Variants in TGFBR3 observed in about 807,000 individuals in gnomAD.
TGFBR3 encodes the protein transforming growth factor beta receptor 3, also known as transforming growth factor beta receptor type 3.
In TGFBR3, 46 loss-of-function variants were observed where a neutral mutation model predicts 87.9. The ratio of observed to expected loss-of-function variants is 0.52; its 90% confidence interval spans 0.41 to 0.67. The LOEUF is 0.67. Among genes scored for constraint, TGFBR3 ranks in the 30% least tolerant of loss-of-function variants. The pLI, the probability that TGFBR3 is intolerant of heterozygous loss-of-function variation, is 0.00. For missense variants in TGFBR3, 866 were observed against 1,041.9 expected (o/e 0.83, Z 2.32); for synonymous variants, 381 against 391.6 (o/e 0.97, Z 0.32).
intron 4 of TGFBR3, among the ~76,000 whole-genome samples, chr1:91,753,473 T>C (rs1673628947): frequency 6.6e-6 from 1 of 151,070 alleles, no homozygotes; most frequent in African/African-American, 2.4e-5. Flanking sequence ...TACCATAATA[T>C]TCAGCCTTTT....
chr1:91,733,102 G>A (rs760700194), intron 5 of TGFBR3, among the ~76,000 whole-genome samples: 65 of 152,166 alleles, frequency 4.3e-4, no homozygotes, highest in Admixed American at 1.4e-3. Flanking sequence ...TATCATGAGA[G>A]TACAGAAACA....
intron 2 of TGFBR3, among the ~76,000 whole-genome samples, chr1:91,894,000 T>G (rs1195735071): frequency 6.6e-6 from 1 of 151,214 alleles, no homozygotes; most frequent in African/African-American, 2.4e-5. Context: ...GAGGCCAAAG[T>G]GGGTGGATCA....
rs17885461 is a variant in TGFBR3, at chr1:91,708,533, G to C, written c.2287+130C>G. On this transcript the variant is annotated intron_variant, in intron 14 of 16. Coordinates refer to ENST00000212355, the MANE Select transcript of TGFBR3 (RefSeq NM_003243.5). ...AGAAAAGACTCTTCGGGCAAAAAATGGTCTTCTAAAGTAACTAACTGGCCC... is the reference window on the plus strand; with the variant it reads ...AGAAAAGACTCTTCGGGCAAAAAATCGTCTTCTAAAGTAACTAACTGGCCC... 2,998 of 1,420,818 alleles carry C rather than the reference G, an allele frequency of 2.1e-3. 50 individuals are homozygous for C. In the African/African-American group the frequency reaches 0.036, roughly 17 times the overall value. 88.0% of individuals were successfully genotyped at this position (1,420,818 alleles called of 1,614,324 possible).
At chr1:91,872,860 C>T (rs1678634286) in intron 1 of TGFBR3, among the ~76,000 whole-genome samples, 1 of 152,020 alleles carries the variant, frequency 6.6e-6, no homozygotes, top group Admixed American at 6.6e-5. Context: ...TGCTTTGAGT[C>T]AGACATGAAA....
intron 2 of TGFBR3, among the ~76,000 whole-genome samples, chr1:91,823,533 A>ACAG (rs1557729637): frequency 2.2e-4 from 34 of 152,252 alleles, no homozygotes; most frequent in Non-Finnish European, 4.3e-4. Flanking sequence ...AAAACATTCA[A>ACAG]CATCAAAAAG....
At chr1:91,815,325 A>AAACTAAACTAAACT (rs1676181757) in intron 2 of TGFBR3, among the ~76,000 whole-genome samples, 1 of 124,330 alleles carries the variant, frequency 8.0e-6, no homozygotes, top group East Asian at 4.5e-4. Context: ...ATAAAATAAA[A>AAACTAAACTAAACT]TAAAATAAAA....
intron 4 of TGFBR3, among the ~76,000 whole-genome samples, chr1:91,746,511 C>T (rs556048439): frequency 5.9e-5 from 9 of 151,796 alleles, no homozygotes; most frequent in South Asian, 4.2e-4. Context: ...ATGTTTTTCA[C>T]GAAAAAAAAT....
At position 91,716,105 on chromosome 1, in the gene TGFBR3, T is replaced by C. The variant is rs570065151; in HGVS notation, c.1866+131A>G. Reference sequence around the variant, plus strand: ...AGTCTGGAAGCGTTCTCTGAGCCAATCCCTCATCAGACCTGTTGAAGGTCT... The same window carrying C: ...AGTCTGGAAGCGTTCTCTGAGCCAACCCCTCATCAGACCTGTTGAAGGTCT... On this transcript the variant is annotated intron_variant, in intron 12 of 16. Transcript: ENST00000212355. The C allele has an allele frequency of 7.2e-6, 8 of 1,111,500 alleles. No individual in the cohort carries two copies. In the South Asian group the frequency reaches 8.3e-5, roughly 11 times the overall value. 68.9% of individuals were successfully genotyped at this position (1,111,500 alleles called of 1,614,324 possible).
Position 91,746,651 on chromosome 1 carries a change from C to T in TGFBR3, c.385-11692G>A, listed in dbSNP as rs114708262. On this transcript the variant is annotated intron_variant, in intron 4 of 16. Transcript: ENST00000212355. The stretch of plus-strand genomic sequence containing the variant: ...TTCTTCTAAGTTACATCCAATCAGC[C>T]AAGTCAAGTTCAAGAGCAAAAACTG... Among the ~76,000 whole-genome samples the T allele has an allele frequency of 6.6e-3, 1,004 of 152,092 alleles. 14 individuals carry two copies. Among genetic ancestry groups the T allele is most frequent in the African/African-American group, 0.023 (970 of 41,494 alleles).
chr1:91,680,757 A>G lies in TGFBR3; in HGVS notation c.*2982T>C, dbSNP rs1670882108. ...AAACCATGAGGTAGTTACAGTACAA[A>G]AAGACTGGCACGCGTGTGAGCACCC... On this transcript the variant is annotated 3_prime_UTR_variant, in exon 17 of 17. Coordinates refer to ENST00000212355, the MANE Select transcript of TGFBR3 (RefSeq NM_003243.5). 4.4e-6 allele frequency: 2 copies of G among 454,016 alleles called. No individual in the cohort carries two copies. The highest frequency in any genetic ancestry group is 8.8e-6 in the Non-Finnish European group (2 of 226,800). 28.1% of individuals were successfully genotyped at this position (454,016 alleles called of 1,614,324 possible). A position where few individuals can be genotyped will look rare whatever the true frequency, so the allele number is the denominator to read the frequency against.
Position 91,727,711 on chromosome 1 carries a change from G to T in TGFBR3, c.833C>A (p.Ser278Tyr), listed in dbSNP as rs1192106631. Reference protein sequence around the residue: ...NLILILKCKKSVNWVIKSFDV... With the variant: ...NLILILKCKKYVNWVIKSFDV... ...AAAAGATTTGATCACCCAGTTGACA[G>T]ACTTTTTGCACTTCAAGATCAGGAT... The change falls in exon 7 of 17, where the codon TCT becomes TAT. Residue 278 changes from serine to tyrosine, a missense_variant. Physicochemically the swap from Ser to Tyr is moderately radical, Grantham distance 144. Coordinates refer to ENST00000212355, the MANE Select transcript of TGFBR3 (RefSeq NM_003243.5). The T allele has an allele frequency of 6.2e-7, 1 of 1,614,100 alleles. No individual in the cohort carries two copies. The highest frequency in any genetic ancestry group is 1.7e-5 in the Admixed American group (1 of 60,014).
At chr1:91,883,750 A>T (rs1457776644) in intron 1 of TGFBR3, among the ~76,000 whole-genome samples, 7 of 152,124 alleles carry the variant, frequency 4.6e-5, no homozygotes, top group Non-Finnish European at 5.9e-5. Context: ...AGGAAAAATT[A>T]AAGTTGACAA....
intron 16 of TGFBR3, among the ~76,000 whole-genome samples, chr1:91,685,948 G>T (rs1440091278): frequency 1.3e-5 from 2 of 152,134 alleles, no homozygotes; most frequent in Non-Finnish European, 2.9e-5. Flanking sequence ...GACTAATGTG[G>T]CTATGCATGA....
intron 3 of TGFBR3, among the ~76,000 whole-genome samples, chr1:91,780,884 TACACACACACACACACACACACACACAC>T (rs56862200): frequency 1.5e-5 from 2 of 132,580 alleles, no homozygotes; most frequent in South Asian, 2.6e-4. Context: ...ACTAGAGAAC[TACACACACACACACACACACACACACAC>T]ACACACACAC....
At chr1:91,712,801 A>C (rs1183607830) in intron 12 of TGFBR3, among the ~76,000 whole-genome samples, 3 of 152,242 alleles carry the variant, frequency 2.0e-5, no homozygotes, top group Non-Finnish European at 2.9e-5. Flanking sequence ...ATACAAGATG[A>C]GTAAGTCTCT....
intron 2 of TGFBR3, among the ~76,000 whole-genome samples, chr1:91,849,607 T>C (rs1407025952): frequency 1.3e-5 from 2 of 152,228 alleles, no homozygotes; most frequent in African/African-American, 4.8e-5. Context: ...TGCTGATATA[T>C]GCATTTTGTT....
At chr1:91,810,782 G>A (rs939862648) in intron 2 of TGFBR3, among the ~76,000 whole-genome samples, 2 of 152,098 alleles carry the variant, frequency 1.3e-5, no homozygotes, top group Non-Finnish European at 2.9e-5. Flanking sequence ...ATAATAACAG[G>A]ATCTGCCCCA....
chr1:91,789,305 C>T (rs1293175370), intron 3 of TGFBR3, among the ~76,000 whole-genome samples: 2 of 150,292 alleles, frequency 1.3e-5, no homozygotes, highest in Non-Finnish European at 3.0e-5. Flanking sequence ...AGACTCGTCT[C>T]GAAAAAAAAA....
chr1:91,742,197 G>C (rs1053178351), intron 4 of TGFBR3, among the ~76,000 whole-genome samples: 4 of 152,136 alleles, frequency 2.6e-5, no homozygotes, highest in Non-Finnish European at 5.9e-5. Flanking sequence ...CTGCACACAA[G>C]TGACTGTACA....
Sources: allele counts gnomAD v4.1 joint callset (sites outside exome capture counted in the v4.1 genomes callset), GRCh38; gene constraint gnomAD v4.1.1; transcripts MANE v1.5; gene names NCBI Gene and HGNC (gene_info 2026-07-23, HGNC 2026-07-21).